Variants in DPP10 observed in about 807,000 individuals in gnomAD.
The protein encoded by DPP10 is inactive dipeptidyl peptidase 10.
DPP10 carries 33 observed loss-of-function variants against 120.9 expected under a neutral mutation model. The ratio of observed to expected loss-of-function variants is 0.27; its 90% CI spans 0.21 to 0.37. The LOEUF (loss-of-function observed/expected upper bound fraction) is 0.37. Ranked by LOEUF, DPP10 falls within the 10% of genes least tolerant of loss-of-function variation. The probability of loss-of-function intolerance (pLI) is 1.00; values close to 1 mark genes in which losing one functional copy is unlikely to be tolerated. For synonymous variants in DPP10, 337 were observed against 326.1 expected (o/e 1.03, Z -0.36); for missense variants, 816 against 942.8 (o/e 0.87, Z 1.76).
chr2:115,521,865 G>A (rs191522179), intron 4 of DPP10, among the ~76,000 whole-genome samples: 1 of 152,176 alleles, frequency 6.6e-6, no homozygotes, highest in East Asian at 1.9e-4. Context: ...ATAAGCACTG[G>A]CATATTCATG....
At chr2:114,899,322 C>T (rs1446747343) in intron 1 of DPP10, among the ~76,000 whole-genome samples, 1 of 150,994 alleles carries the variant, frequency 6.6e-6, no homozygotes, top group Non-Finnish European at 1.5e-5. Flanking sequence ...TAGACAACCA[C>T]GAAAAAAATG....
intron 12 of DPP10, among the ~76,000 whole-genome samples, chr2:115,766,310 G>GTGTATA (rs1371625141): frequency 3.7e-5 from 3 of 81,748 alleles, no homozygotes; most frequent in South Asian, 4.9e-4. Context: ...GTGTGTGTGT[G>GTGTATA]TATATATATA....
At chr2:115,237,106 TTG>T (rs2058043689) in intron 1 of DPP10, among the ~76,000 whole-genome samples, 1 of 152,144 alleles carries the variant, frequency 6.6e-6, no homozygotes, top group South Asian at 2.1e-4. Context: ...TTATTGTACT[TTG>T]TGTTATTGTG....
intron 3 of DPP10, among the ~76,000 whole-genome samples, chr2:115,402,796 C>G (rs778352672): frequency 7.6e-5 from 11 of 144,562 alleles, no homozygotes; most frequent in Non-Finnish European, 1.5e-4. Context: ...ATTTTATATC[C>G]CAAACTCATT....
At chr2:114,858,977 G>C (rs13020576) in intron 1 of DPP10, among the ~76,000 whole-genome samples, 5 of 151,800 alleles carry the variant, frequency 3.3e-5, no homozygotes, top group Non-Finnish European at 5.9e-5. Flanking sequence ...AATCTCAATA[G>C]GAGTAGCATC....
At chr2:114,895,416 G>A (rs778570836) in intron 1 of DPP10, among the ~76,000 whole-genome samples, 5 of 152,154 alleles carry the variant, frequency 3.3e-5, no homozygotes, top group East Asian at 3.9e-4. Context: ...GTGAGTCCAC[G>A]TGACTTGAGT....
Position 114,881,536 on chromosome 2 carries a change from CCTAT to C in DPP10, c.61-427695_61-427692del, listed in dbSNP as rs756886382. Among the ~76,000 whole-genome samples the C allele has an allele frequency of 6.9e-3, 1,029 of 149,258 alleles. 19 individuals are homozygous for C. Among genetic ancestry groups the C allele is most frequent in the African/African-American group, 0.023 (917 of 40,518 alleles). On this transcript the variant is annotated intron_variant, in intron 1 of 25. Coordinates refer to ENST00000410059, the MANE Select transcript of DPP10 (RefSeq NM_020868.6). ...TCTATCTATCTATCCATCTATCTATCCTATCTATCTAAGTATCTATCTATGTATC... is the reference window on the plus strand; with the variant it reads ...TCTATCTATCTATCCATCTATCTATCCTATCTAAGTATCTATCTATGTATC...
intron 1 of DPP10, among the ~76,000 whole-genome samples, chr2:115,123,865 G>A (rs1301435266): frequency 2.0e-5 from 3 of 151,830 alleles, no homozygotes; most frequent in African/African-American, 4.8e-5. Flanking sequence ...CAGGAAGATA[G>A]TCAGCAAATA....
chr2:115,487,057 C>T (rs985633734), intron 3 of DPP10, among the ~76,000 whole-genome samples: 4 of 151,944 alleles, frequency 2.6e-5, no homozygotes, highest in African/African-American at 9.7e-5. Flanking sequence ...TCTTATTTAC[C>T]AGGGATTTGA....
chr2:115,071,503 G>T (rs557614342), intron 1 of DPP10, among the ~76,000 whole-genome samples: 1 of 152,230 alleles, frequency 6.6e-6, no homozygotes, highest in Non-Finnish European at 1.5e-5. Context: ...TATCAGGGAA[G>T]GAATTTAGCT....
At chr2:114,481,985 AAGAG>A (rs149076386) in intron 1 of DPP10, among the ~76,000 whole-genome samples, 24 of 150,230 alleles carry the variant, frequency 1.6e-4, no homozygotes, top group Admixed American at 1.5e-3. Context: ...GAGAGAAAGA[AAGAG>A]AGAGAGAGAG....
intron 7 of DPP10, among the ~76,000 whole-genome samples, chr2:115,705,916 T>C (rs548198843): frequency 6.6e-6 from 1 of 151,976 alleles, no homozygotes; most frequent in South Asian, 2.1e-4. Flanking sequence ...GCAGCTCATA[T>C]CATTTATTTA....
intron 5 of DPP10, among the ~76,000 whole-genome samples, chr2:115,550,649 TAAAGAG>T (rs997703946): frequency 6.6e-6 from 1 of 152,126 alleles, no homozygotes; most frequent in African/African-American, 2.4e-5. Context: ...ACTTTTCTGT[TAAAGAG>T]AATCAACTAT....
intron 1 of DPP10, among the ~76,000 whole-genome samples, chr2:115,071,878 A>T (rs114762121): frequency 9.2e-5 from 14 of 152,026 alleles, no homozygotes; most frequent in Non-Finnish European, 1.2e-4. Context: ...TTTTTTTTCA[A>T]ATACACAGAT....
At chr2:115,158,766 A>G (rs193192811) in intron 1 of DPP10, among the ~76,000 whole-genome samples, 2 of 152,316 alleles carry the variant, frequency 1.3e-5, no homozygotes, top group East Asian at 3.9e-4. Context: ...TAATACATGA[A>G]AAAGTATTCA....
intron 1 of DPP10, among the ~76,000 whole-genome samples, chr2:114,739,181 G>A (rs553821628): frequency 3.1e-4 from 47 of 152,248 alleles, no homozygotes; most frequent in South Asian, 6.2e-4. Context: ...ATCTAAATAA[G>A]GGAATTACCA....
At chr2:115,405,376 C>A (rs2068430419) in intron 3 of DPP10, among the ~76,000 whole-genome samples, 1 of 152,192 alleles carries the variant, frequency 6.6e-6, no homozygotes, top group Admixed American at 6.5e-5. Context: ...AGACCTCGGA[C>A]AGGCCCACCT....
At chr2:114,541,865 T>A (rs1161698772) in intron 1 of DPP10, among the ~76,000 whole-genome samples, 1 of 152,032 alleles carries the variant, frequency 6.6e-6, no homozygotes, top group Non-Finnish European at 1.5e-5. Context: ...TAGAAGTGAA[T>A]AGTTGCTTTT....
chr2:115,316,749 G>A (rs1248752595), intron 2 of DPP10, among the ~76,000 whole-genome samples: 2 of 152,078 alleles, frequency 1.3e-5, no homozygotes, highest in African/African-American at 4.8e-5. Context: ...ATTTAGAAAT[G>A]TGATATTCTG....
Sources: allele counts gnomAD v4.1 joint callset (sites outside exome capture counted in the v4.1 genomes callset), GRCh38; gene constraint gnomAD v4.1.1; transcripts MANE v1.5; gene names NCBI Gene and HGNC (gene_info 2026-07-23, HGNC 2026-07-21).